The following ADD2 variants were observed in gnomAD, a reference collection of about 807,000 sequenced individuals.
The protein encoded by ADD2 is adducin 2.
ADD2 carries 23 observed loss-of-function variants against 83.0 expected under a neutral mutation model. The observed-to-expected ratio is 0.28, with a 90% CI of 0.20 to 0.39. The LOEUF (loss-of-function observed/expected upper bound fraction) is 0.39, where lower values mean the gene tolerates loss of function less well. ADD2 is among the 10% of genes least tolerant of loss of function. ADD2 has a pLI of 1.00. For missense variants in ADD2, 758 were observed against 944.9 expected (o/e 0.80, Z 2.59); for synonymous variants, 375 against 375.4 (o/e 1.00, Z 0.01).
intron 1 of ADD2, among the ~76,000 whole-genome samples, chr2:70,761,174 G>T (rs782809057): frequency 6.6e-6 from 1 of 151,498 alleles, no homozygotes; most frequent in Non-Finnish European, 1.5e-5. Flanking sequence ...CTGTTAGTAT[G>T]GTTAGGAAAC....
chr2:70,755,850 G>A (rs879957042), intron 1 of ADD2, among the ~76,000 whole-genome samples: 2 of 152,028 alleles, frequency 1.3e-5, no homozygotes, highest in Non-Finnish European at 2.9e-5. Flanking sequence ...CATGAGGTCA[G>A]GAGTTCGAGA....
chr2:70,695,248 C>A (rs145507403), intron 6 of ADD2, among the ~76,000 whole-genome samples: 4 of 152,144 alleles, frequency 2.6e-5, no homozygotes, highest in Non-Finnish European at 5.9e-5. Flanking sequence ...TTTCCTCCCC[C>A]CATCTGGAAA....
At chr2:70,708,205 G>A (rs754419095) in intron 2 of ADD2, among the ~76,000 whole-genome samples, 1 of 152,164 alleles carries the variant, frequency 6.6e-6, no homozygotes, top group Non-Finnish European at 1.5e-5. Context: ...ATGGTTTCCT[G>A]TTGTTCTTGT....
At chr2:70,719,560 G>C (rs1672631126) in intron 1 of ADD2, among the ~76,000 whole-genome samples, 1 of 152,170 alleles carries the variant, frequency 6.6e-6, no homozygotes, top group South Asian at 2.1e-4. Flanking sequence ...GGGAAGCCCT[G>C]GTGATGGAGA....
chr2:70,713,866 A>C (rs1168416256), intron 1 of ADD2, among the ~76,000 whole-genome samples: 1 of 152,020 alleles, frequency 6.6e-6, no homozygotes, highest in African/African-American at 2.4e-5. Context: ...CTAAACTCAC[A>C]GATGCTAATG....
At chr2:70,733,150 A>G (rs547626122) in intron 1 of ADD2, among the ~76,000 whole-genome samples, 3 of 152,330 alleles carry the variant, frequency 2.0e-5, no homozygotes, top group African/African-American at 7.2e-5. Context: ...GGCCATTTCT[A>G]TTAGATTTGG....
intron 10 of ADD2, among the ~76,000 whole-genome samples, chr2:70,680,789 T>C (rs1047662027): frequency 6.6e-6 from 1 of 152,174 alleles, no homozygotes; most frequent in Admixed American, 6.6e-5. Flanking sequence ...TCAAAGTAGT[T>C]AAGATACAAA....
At position 70,672,873 on chromosome 2, in the gene ADD2, C is replaced by A; in HGVS notation, c.1870+5G>T. On this transcript the variant is annotated splice_donor_5th_base_variant and intron_variant, in intron 15 of 15. Transcript: ENST00000264436. ...CTCCCTCCCAGCCTACTCAGCTGGA[C>A]TCACCCTCTAAAGACTTGGAAGGAG... 6.2e-7 allele frequency: 1 copy of A among 1,610,458 alleles called. No individual in the cohort carries two copies. Among genetic ancestry groups the A allele is most frequent in the Non-Finnish European group, 8.5e-7 (1 of 1,178,758 alleles).
intron 1 of ADD2, among the ~76,000 whole-genome samples, chr2:70,735,399 C>G (rs973112032): frequency 2.4e-4 from 37 of 152,100 alleles, no homozygotes; most frequent in African/African-American, 8.7e-4. Context: ...TTCGCACAAC[C>G]CAAATTTAAA....
intron 9 of ADD2, among the ~76,000 whole-genome samples, chr2:70,684,539 A>G (rs1190470471): frequency 1.3e-5 from 2 of 152,208 alleles, no homozygotes; most frequent in African/African-American, 4.8e-5. Context: ...ATGAACCACC[A>G]TTGCTGACCT....
chr2:70,726,186 CAAA>C (rs34333514), intron 1 of ADD2, among the ~76,000 whole-genome samples: 2 of 45,484 alleles, frequency 4.4e-5, no homozygotes, highest in East Asian at 4.8e-4. Flanking sequence ...GACTCCATCT[CAAA>C]AAAAAAAAAA....
chr2:70,691,251 G>A (rs1219027172), intron 7 of ADD2, among the ~76,000 whole-genome samples: 1 of 152,124 alleles, frequency 6.6e-6, no homozygotes, highest in African/African-American at 2.4e-5. Flanking sequence ...ACACAGCTTT[G>A]CTCTTGTCAT....
chr2:70,716,480 C>T (rs943114586), intron 1 of ADD2, among the ~76,000 whole-genome samples: 2 of 152,158 alleles, frequency 1.3e-5, no homozygotes, highest in African/African-American at 4.8e-5. Flanking sequence ...CCGCCCTGGG[C>T]TTTCACATCA....
At chr2:70,730,755 A>G (rs1164896621) in intron 1 of ADD2, among the ~76,000 whole-genome samples, 1 of 152,218 alleles carries the variant, frequency 6.6e-6, no homozygotes, top group Non-Finnish European at 1.5e-5. Context: ...TGATTATAAT[A>G]CTATATTTTT....
At chr2:70,748,695 A>C (rs565611249) in intron 1 of ADD2, among the ~76,000 whole-genome samples, 3 of 152,222 alleles carry the variant, frequency 2.0e-5, no homozygotes, top group Non-Finnish European at 4.4e-5. Context: ...ACCACTTAAA[A>C]TGCTGGCCAG....
intron 4 of ADD2, among the ~76,000 whole-genome samples, chr2:70,699,244 A>T (rs1671462929): frequency 6.6e-6 from 1 of 151,410 alleles, no homozygotes; most frequent in Non-Finnish European, 1.5e-5. Context: ...TCTGAACTGT[A>T]AAAAAAAAGA....
At chr2:70,711,440 C>T (rs547532316) in intron 2 of ADD2, among the ~76,000 whole-genome samples, 15 of 152,246 alleles carry the variant, frequency 9.9e-5, no homozygotes, top group African/African-American at 3.6e-4. Flanking sequence ...CCACCAATCC[C>T]GCCACTTCCA....
rs1675437584 is a variant in ADD2 at position 70,658,646 on chromosome 2, G to A, written c.*4779C>T. On this transcript the variant is annotated 3_prime_UTR_variant, in exon 16 of 16. Coordinates refer to ENST00000264436, the MANE Select transcript of ADD2 (RefSeq NM_001617.4). Reference sequence around the variant, plus strand: ...ACTCTTTGAGTGCTAAGGTCTTAGAGTTCAACTGAGCTCCAGTGATGAGAG... The same window carrying A: ...ACTCTTTGAGTGCTAAGGTCTTAGAATTCAACTGAGCTCCAGTGATGAGAG... 1 of 152,136 alleles carries A rather than the reference G, an allele frequency of 6.6e-6. No individual in the cohort carries two copies. 9.4% of individuals were successfully genotyped at this position (152,136 alleles called of 1,614,324 possible). A position where few individuals can be genotyped will look rare whatever the true frequency, so the allele number is the denominator to read the frequency against.
chr2:70,718,611 A>T (rs1169196122), intron 1 of ADD2, among the ~76,000 whole-genome samples: 1 of 152,234 alleles, frequency 6.6e-6, no homozygotes, highest in Non-Finnish European at 1.5e-5. Context: ...GAAGAAAGAC[A>T]TTATTCAATC....
Sources: allele counts gnomAD v4.1 joint callset (sites outside exome capture counted in the v4.1 genomes callset), GRCh38; gene constraint gnomAD v4.1.1; transcripts MANE v1.5; gene names NCBI Gene and HGNC (gene_info 2026-07-23, HGNC 2026-07-21).